Variants in EIF4EBP2 observed in about 807,000 individuals in gnomAD.
The protein encoded by EIF4EBP2 is eukaryotic translation initiation factor 4E binding protein 2.
In EIF4EBP2, 5 loss-of-function variants were observed where a neutral mutation model predicts 10.3. The ratio of observed to expected loss-of-function variants is 0.48; its 90% confidence interval spans 0.25 to 1.02. The LOEUF is 1.02. EIF4EBP2 is among the 50% of genes least tolerant of loss of function. The pLI is 0.15. For synonymous variants in EIF4EBP2, 67 were observed against 61.1 expected, an observed-to-expected ratio of 1.10 and a Z score of -0.45; for missense variants, 188 against 162.2, an observed-to-expected ratio of 1.16 and a Z score of -0.86.
At chr10:70,415,170 A>G (rs1845081295) in intron 1 of EIF4EBP2, among the ~76,000 whole-genome samples, 1 of 151,604 alleles carries the variant, frequency 6.6e-6, no homozygotes, top group Admixed American at 6.6e-5. Context: ...AAAAAAAAAA[A>G]AAGAAAAGAA....
intron 1 of EIF4EBP2, among the ~76,000 whole-genome samples, chr10:70,410,362 C>T (rs1845032107): frequency 6.6e-6 from 1 of 152,170 alleles, no homozygotes. Context: ...ATGCCCAGCC[C>T]TGTTTCTTTT....
At chr10:70,413,735 A>G (rs1190316866) in intron 1 of EIF4EBP2, among the ~76,000 whole-genome samples, 1 of 152,192 alleles carries the variant, frequency 6.6e-6, no homozygotes, top group Admixed American at 6.5e-5. Context: ...CAGCATATAC[A>G]ATATTGTGAT....
intron 1 of EIF4EBP2, among the ~76,000 whole-genome samples, chr10:70,407,959 CG>C (rs1844996025): frequency 1.3e-4 from 4 of 30,922 alleles, no homozygotes; most frequent in Non-Finnish European, 1.9e-4. Context: ...ACCTCCTGGA[CG>C]GGGCGGCTGG....
At position 70,404,149 on chromosome 10, in the gene EIF4EBP2, C is replaced by T. The variant is rs993028036; in HGVS notation, c.-253C>T. 2.0e-5 allele frequency among the ~76,000 whole-genome samples: 3 copies of T among 152,252 alleles called. No individual in the cohort carries two copies. Among genetic ancestry groups the T allele is most frequent in the Admixed American group, 6.5e-5 (1 of 15,288 alleles). On this transcript the variant is annotated 5_prime_UTR_variant, in exon 1 of 3. Coordinates refer to ENST00000373218, the MANE Select transcript of EIF4EBP2 (RefSeq NM_004096.5). ...CTCTGGCTCCCGCCTTCGCCCGCTT[C>T]CGGTCGTCGTCGTCGCCGCTGCTGC...
In EIF4EBP2 at chr10:70,419,990, C is replaced by T. The variant is rs1043098; in HGVS notation, c.222C>T (p.His74=). The T allele has an allele frequency of 0.5, 803,016 of 1,612,300 alleles. 202,087 individuals carry two copies. Among genetic ancestry groups the T allele is most frequent in the East Asian group, 0.69 (30,900 of 44,770 alleles). The change falls in exon 2 of 3, where the codon CAC becomes CAT. Residue 74 remains histidine (H), a synonymous_variant. Transcript: ENST00000373218. The part of the protein sequence containing the change: ...NSPMAQTPPC[H]LPNIPGVTSP... The stretch of plus-strand genomic sequence containing the variant: ...CCATGGCTCAGACCCCACCCTGCCA[C>T]CTGCCCAATATCCCAGGAGTCACTA...
chr10:70,408,196 C>T lies in EIF4EBP2; in HGVS notation c.145+3650C>T, dbSNP rs1390464240. Among the ~76,000 whole-genome samples the T allele has an allele frequency of 8.9e-5, 12 of 134,658 alleles. 1 individual carries two copies. The highest frequency in any genetic ancestry group is 1.6e-4 in the African/African-American group (6 of 36,470). The allele number at this position is 134,658 out of a possible 152,430, so 88.3% of individuals were successfully genotyped here. On this transcript the variant is annotated intron_variant, in intron 1 of 2. Transcript: ENST00000373218. ...CTCCCTCCCGGACGGGGCGGCTGGCCGGGCGGGGGGCTGACCCCCCCACCT... is the reference window on the plus strand; with the variant it reads ...CTCCCTCCCGGACGGGGCGGCTGGCTGGGCGGGGGGCTGACCCCCCCACCT...
chr10:70,414,959 C>G (rs546014454), intron 1 of EIF4EBP2, among the ~76,000 whole-genome samples: 34 of 151,986 alleles, frequency 2.2e-4, no homozygotes, highest in African/African-American at 8.0e-4. Context: ...GAGTTCAAGA[C>G]CAGCCTGGGC....
chr10:70,409,059 G>A (rs1589145981), intron 1 of EIF4EBP2, among the ~76,000 whole-genome samples: 2 of 152,170 alleles, frequency 1.3e-5, no homozygotes, highest in South Asian at 4.1e-4. Context: ...TCACAGCATA[G>A]CAAACTTAGA....
intron 1 of EIF4EBP2, among the ~76,000 whole-genome samples, chr10:70,416,688 C>G (rs1351452566): frequency 7.8e-6 from 1 of 128,298 alleles, no homozygotes; most frequent in Non-Finnish European, 1.6e-5. Flanking sequence ...TTTTTTGAGA[C>G]AGGGTCTCAC....
intron 1 of EIF4EBP2, among the ~76,000 whole-genome samples, chr10:70,407,871 C>T (rs1844993818): frequency 1.4e-5 from 2 of 141,032 alleles, no homozygotes; most frequent in African/African-American, 5.2e-5. Context: ...CCCCCCACCT[C>T]CCTCCCGGAT....
At chr10:70,416,953 C>T (rs1240450836) in intron 1 of EIF4EBP2, among the ~76,000 whole-genome samples, 3 of 152,070 alleles carry the variant, frequency 2.0e-5, no homozygotes, top group Admixed American at 6.6e-5. Context: ...GTGAGCCATG[C>T]CTGGCTAATT....
At chr10:70,411,859 C>T (rs1485378382) in intron 1 of EIF4EBP2, among the ~76,000 whole-genome samples, 1 of 152,172 alleles carries the variant, frequency 6.6e-6, no homozygotes, top group African/African-American at 2.4e-5. Flanking sequence ...CTCCTATCCT[C>T]TTAATTTAAC....
In EIF4EBP2 at chr10:70,421,877, C is replaced by G. The variant is rs1160955042; in HGVS notation, c.*130C>G. 2.6e-6 allele frequency: 2 copies of G among 779,602 alleles called. No individual in the cohort carries two copies. Among genetic ancestry groups the G allele is most frequent in the African/African-American group, 3.5e-5 (2 of 57,920 alleles). 48.3% of individuals were successfully genotyped at this position (779,602 alleles called of 1,614,324 possible). On this transcript the variant is annotated 3_prime_UTR_variant, in exon 3 of 3. Transcript: ENST00000373218. ...GTCCCCATTACAGTCTCCACCTCCC[C>G]GTCTTCCTCTGGGTGCCAAATGATG...
chr10:70,417,913 T>C (rs2137230463), intron 1 of EIF4EBP2, among the ~76,000 whole-genome samples: 1 of 152,318 alleles, frequency 6.6e-6, no homozygotes, highest in Middle Eastern at 3.4e-3. Flanking sequence ...TTCAGCCTAT[T>C]TGCCCTTATT....
In EIF4EBP2 at chr10:70,419,935, G is replaced by A; in HGVS notation, c.167G>A (p.Arg56Lys). ...CCAGGAACTCGAATCATTTATGACA[G>A]AAAGTTTCTGTTGGATCGTCGCAAT... is the stretch of plus-strand genomic sequence containing the variant. ...TPGGTRIIYD[R>K]KFLLDRRNSP... The change falls in exon 2 of 3, where the codon AGA (arginine) becomes AAA (lysine). Residue 56 changes from arginine to lysine, a missense_variant. By Grantham distance (26) the Arg-to-Lys change is conservative. Coordinates refer to ENST00000373218, the MANE Select transcript of EIF4EBP2 (RefSeq NM_004096.5). 6.3e-7 allele frequency: 1 copy of A among 1,586,890 alleles called. No individual in the cohort carries two copies. The highest frequency in any genetic ancestry group is 1.4e-5 in the African/African-American group (1 of 73,372).
Position 70,424,442 on chromosome 10 carries a change from A to C in EIF4EBP2, c.*2695A>C, listed in dbSNP as rs1375895096. The C allele has an allele frequency of 6.6e-6, 1 of 152,232 alleles. No individual in the cohort carries two copies. 9.4% of individuals were successfully genotyped at this position (152,232 alleles called of 1,614,324 possible). On this transcript the variant is annotated 3_prime_UTR_variant, in exon 3 of 3. Transcript: ENST00000373218. ...CATTTAAAAAATAATTTCACAAGGCATGAGATAAACTTTCAATAGATGATA... is the reference window on the plus strand; with the variant it reads ...CATTTAAAAAATAATTTCACAAGGCCTGAGATAAACTTTCAATAGATGATA...
intron 1 of EIF4EBP2, among the ~76,000 whole-genome samples, chr10:70,407,721 G>T (rs111267366): frequency 2.7e-4 from 19 of 70,586 alleles, no homozygotes; most frequent in Non-Finnish European, 5.2e-4. Context: ...CCTCCCGGGC[G>T]GGGGGCTGAC....
chr10:70,407,567 C>T (rs1844983708), intron 1 of EIF4EBP2, among the ~76,000 whole-genome samples: 1 of 152,130 alleles, frequency 6.6e-6, no homozygotes, highest in Admixed American at 6.5e-5. Flanking sequence ...CCCCACCTTT[C>T]CCCCCTTTCT....
rs1206423193 is a variant in EIF4EBP2, at chr10:70,424,313, C to T, written c.*2566C>T. ...CTGTATAATGCAGCAGCTGTTCAAT[C>T]CCTTACCCTTCTCTGCAAGGACTTC... is the stretch of plus-strand genomic sequence containing the variant. On this transcript the variant is annotated 3_prime_UTR_variant, in exon 3 of 3. Transcript: ENST00000373218. 2 of 152,176 alleles carry T rather than the reference C, an allele frequency of 1.3e-5. No homozygotes were observed. The highest frequency in any genetic ancestry group is 4.8e-5 in the African/African-American group (2 of 41,440). The allele number at this position is 152,176 out of a possible 1,614,324, so 9.4% of individuals were successfully genotyped here.
Sources: gnomAD v4.1 joint callset for allele counts (sites outside exome capture counted in the v4.1 genomes callset) on GRCh38, gnomAD v4.1.1 for gene constraint, MANE v1.5 for transcripts, NCBI Gene and HGNC (gene_info 2026-07-23, HGNC 2026-07-21) for gene names.